The following PHACTR1 variants were observed in gnomAD, a reference collection of about 807,000 sequenced individuals.
The protein encoded by PHACTR1 is phosphatase and actin regulator 1, also known as RPEL repeat containing 1.
Under a neutral mutation model 69.2 loss-of-function variants are expected in PHACTR1, and 16 were observed. The ratio of observed to expected loss-of-function variants is 0.23; its 90% CI spans 0.16 to 0.35. The LOEUF (loss-of-function observed/expected upper bound fraction) is 0.35, where lower values mean the gene tolerates loss of function less well. PHACTR1 is among the 10% of genes least tolerant of loss of function. The pLI, the probability that PHACTR1 is intolerant of heterozygous loss-of-function variation, is 1.00. For synonymous variants in PHACTR1, 312 were observed against 284.5 expected (o/e 1.10, Z -0.97); for missense variants, 510 against 734.7 (o/e 0.69, Z 3.54).
chr6:13,135,025 C>T (rs1351947576), intron 5 of PHACTR1, among the ~76,000 whole-genome samples: 1 of 152,164 alleles, frequency 6.6e-6, no homozygotes, highest in Non-Finnish European at 1.5e-5. Context: ...ATTGCCAATT[C>T]TTCCATTGTT....
intron 8 of PHACTR1, among the ~76,000 whole-genome samples, chr6:13,218,853 A>AAAGAGAAGAGAAGAGAAAAGAG (rs1768115047): frequency 7.0e-6 from 1 of 142,424 alleles, no homozygotes; most frequent in Admixed American, 7.0e-5. Flanking sequence ...GAGGAGGAGG[A>AAAGAGAAGAGAAGAGAAAAGAG]AAGAGAAGAG....
intron 4 of PHACTR1, among the ~76,000 whole-genome samples, chr6:13,014,989 C>T (rs1799966879): frequency 6.6e-6 from 1 of 152,200 alleles, no homozygotes; most frequent in African/African-American, 2.4e-5. Flanking sequence ...TCTGCAGGGC[C>T]GCTGGAGGTC....
intron 4 of PHACTR1, among the ~76,000 whole-genome samples, chr6:12,907,224 C>T (rs1785841464): frequency 6.6e-6 from 1 of 152,166 alleles, no homozygotes; most frequent in African/African-American, 2.4e-5. Flanking sequence ...GTCTGGGCAA[C>T]TCTTAGAAGC....
At chr6:13,205,702 A>T in intron 7 of PHACTR1, 113 bp from the exon 8 acceptor site, 1 of 1,007,876 alleles carries the variant, frequency 9.9e-7, no homozygotes, top group Non-Finnish European at 1.4e-6. Flanking sequence ...GACGCATTTT[A>T]CCTAAGAGGC....
intron 6 of PHACTR1, among the ~76,000 whole-genome samples, chr6:13,161,586 G>A (rs1209105139): frequency 6.6e-6 from 1 of 152,042 alleles, no homozygotes; most frequent in Non-Finnish European, 1.5e-5. Flanking sequence ...GTAATCTGCC[G>A]ACGCAGTCCA....
At chr6:13,111,367 A>G (rs915384219) in intron 5 of PHACTR1, among the ~76,000 whole-genome samples, 23 of 152,188 alleles carry the variant, frequency 1.5e-4, no homozygotes, top group African/African-American at 5.1e-4. Flanking sequence ...TATTATTGCT[A>G]TGCTTGAATT....
At chr6:13,195,759 A>AAAAAAAAAAAAAAAAT (rs1764294870) in intron 7 of PHACTR1, among the ~76,000 whole-genome samples, 1 of 117,040 alleles carries the variant, frequency 8.5e-6, no homozygotes, top group African/African-American at 3.4e-5. Flanking sequence ...CACCGTCTCA[A>AAAAAAAAAAAAAAAAT]AAAAAAAAAA....
intron 5 of PHACTR1, among the ~76,000 whole-genome samples, chr6:13,155,887 CA>C (rs56094310): frequency 3.3e-3 from 448 of 135,962 alleles, no homozygotes; most frequent in African/African-American, 9.8e-3. Context: ...GACTCCCTCT[CA>C]AAAAAAAAAA....
At chr6:12,977,814 C>T (rs902075904) in intron 4 of PHACTR1, among the ~76,000 whole-genome samples, 2 of 152,168 alleles carry the variant, frequency 1.3e-5, no homozygotes, top group African/African-American at 2.4e-5. Flanking sequence ...AGCTTCTCTT[C>T]GCCTGATCTG....
chr6:13,231,041 GAGAA>G (rs1562036461), intron 10 of PHACTR1, among the ~76,000 whole-genome samples: 9 of 92,312 alleles, frequency 9.7e-5, no homozygotes, highest in South Asian at 4.5e-4. Flanking sequence ...GAGAGAGAGA[GAGAA>G]AGGAAGGAAG....
intron 4 of PHACTR1, among the ~76,000 whole-genome samples, chr6:12,763,275 GACA>G (rs1401444175): frequency 6.6e-6 from 1 of 151,936 alleles, no homozygotes; most frequent in East Asian, 1.9e-4. Flanking sequence ...CCAAATAAAT[GACA>G]ACATGTATTA....
In PHACTR1 at chr6:13,179,405, C is replaced by T. The variant is rs1047372430; in HGVS notation, c.497-3114C>T. Among the ~76,000 whole-genome samples, 6 of 142,054 alleles carry T rather than the reference C, an allele frequency of 4.2e-5. No homozygotes were observed. The highest frequency in any genetic ancestry group is 7.1e-5 in the Admixed American group (1 of 14,002). 93.2% of individuals were successfully genotyped at this position (142,054 alleles called of 152,430 possible). A position where few individuals can be genotyped will look rare whatever the true frequency, so the allele number is the denominator to read the frequency against. ...TATACAGCCCATTACATTAATGTTT[C>T]GTGTGTGTGTGTGTGTGTGTGTGTG... On this transcript the variant is annotated intron_variant, in intron 6 of 14. Transcript: ENST00000332995. This position sits in a 1 kb window ranked among gnomAD's most constrained non-coding sequence, Gnocchi z 4.2.
intron 4 of PHACTR1, among the ~76,000 whole-genome samples, chr6:13,038,742 C>CT (rs1803730138): frequency 6.6e-6 from 1 of 152,136 alleles, no homozygotes; most frequent in Admixed American, 6.6e-5. Flanking sequence ...ATGAATTTTT[C>CT]TCTCATATAA....
chr6:12,942,481 G>A (rs183072478), intron 4 of PHACTR1, among the ~76,000 whole-genome samples: 1 of 152,188 alleles, frequency 6.6e-6, no homozygotes, highest in East Asian at 1.9e-4. Flanking sequence ...TAAGTCTTAG[G>A]AGTCAAACAA....
At chr6:12,938,683 AG>A (rs1259331388) in intron 4 of PHACTR1, among the ~76,000 whole-genome samples, 6 of 152,240 alleles carry the variant, frequency 3.9e-5, no homozygotes, top group Admixed American at 3.9e-4. Flanking sequence ...CACTCCCAAA[AG>A]CTTCCTCCTG....
At chr6:13,055,019 A>G (rs998783542) in intron 5 of PHACTR1, among the ~76,000 whole-genome samples, 7 of 151,972 alleles carry the variant, frequency 4.6e-5, no homozygotes, top group Non-Finnish European at 7.3e-5. Context: ...GTACCTGAAT[A>G]TCAGTCCACA....
rs772556170 is a variant in PHACTR1 at position 13,182,567 on chromosome 6, A to T, written c.545A>T (p.Gln182Leu). 40 of 1,613,922 alleles carry T rather than the reference A, an allele frequency of 2.5e-5. No homozygotes were observed. In the East Asian group the frequency reaches 8.9e-4, roughly 36 times the overall value. Residue 182 changes from glutamine (Q) to leucine (L), a missense_variant, in exon 7 of 15, where the codon CAG becomes CTG. Around this residue, in one of 2 missense-constraint regions of PHACTR1, gnomAD observed 419 missense variants for 530.9 expected, o/e 0.79. Coordinates refer to ENST00000332995, the MANE Select transcript of PHACTR1 (RefSeq NM_030948.6). ...GAAGAGGACTCCCTAGAAAATGGGC[A>T]GTCCCTGAGCTCCAGCCAGCTGTCT... ...SNEEDSLENGQSLSSSQLSLP... is the reference protein window; with the variant it reads ...SNEEDSLENGLSLSSSQLSLP...
intron 5 of PHACTR1, among the ~76,000 whole-genome samples, chr6:13,083,488 A>T (rs1457468343): frequency 6.6e-6 from 1 of 151,270 alleles, no homozygotes; most frequent in Non-Finnish European, 1.5e-5. Flanking sequence ...GAAGAAAGTC[A>T]TTGGTAGCTT....
chr6:13,072,489 A>AT (rs754367319), intron 5 of PHACTR1, among the ~76,000 whole-genome samples: 1 of 123,416 alleles, frequency 8.1e-6, no homozygotes, highest in African/African-American at 2.6e-5. Context: ...ACTTGCTTTC[A>AT]TTTTTTCATA....
Sources: allele counts gnomAD v4.1 joint callset (sites outside exome capture counted in the v4.1 genomes callset), GRCh38; gene constraint gnomAD v4.1.1; regional missense constraint gnomAD v4.1.1; non-coding constraint Gnocchi (gnomAD v3.1); transcripts MANE v1.5; gene names NCBI Gene and HGNC (gene_info 2026-07-23, HGNC 2026-07-21).